Variants in TENM2 observed in about 807,000 individuals in gnomAD.
The protein encoded by TENM2 is teneurin-2.
Under a neutral mutation model 245.2 loss-of-function variants are expected in TENM2, and 52 were observed. The observed-to-expected ratio is 0.21, with a 90% CI of 0.17 to 0.27. The LOEUF is 0.27. TENM2 is among the 10% of genes least tolerant of loss of function. The pLI is 1.00. For missense variants in TENM2, 3,046 were observed against 3,666.8 expected, an observed-to-expected ratio of 0.83 and a Z score of 4.37; for synonymous variants, 1,363 against 1,438.9, an observed-to-expected ratio of 0.95 and a Z score of 1.19.
At chr5:167,072,367 G>A in the TENM2 span, among the ~76,000 whole-genome samples, 3 of 152,144 alleles carry the variant, frequency 2.0e-5, no homozygotes, top group African/African-American at 7.2e-5. Context: ...ACTTAATGAT[G>A]TCTGGGTGTA....
the TENM2 span, among the ~76,000 whole-genome samples, chr5:167,273,848 G>A: frequency 6.6e-6 from 1 of 151,986 alleles, no homozygotes; most frequent in South Asian, 2.1e-4. Context: ...CTTCCAAATA[G>A]GTATTTATTT....
intron 2 of TENM2, among the ~76,000 whole-genome samples, chr5:167,698,979 G>T (rs1582784542): frequency 1.3e-5 from 2 of 151,982 alleles, no homozygotes; most frequent in South Asian, 4.1e-4. Context: ...ACCCTGCCCG[G>T]CCCCATAAGT....
At chr5:168,099,781 C>T (rs1420360435) in intron 9 of TENM2, among the ~76,000 whole-genome samples, 1 of 152,152 alleles carries the variant, frequency 6.6e-6, no homozygotes, top group Non-Finnish European at 1.5e-5. Context: ...GTGAAGGGGG[C>T]TTTCTGTACT....
chr5:168,027,958 GA>G (rs1018987396), intron 5 of TENM2, among the ~76,000 whole-genome samples: 4 of 152,068 alleles, frequency 2.6e-5, no homozygotes, highest in Non-Finnish European at 5.9e-5. Flanking sequence ...AGAAAGAAGA[GA>G]AAAAAATGGC....
intron 7 of TENM2, among the ~76,000 whole-genome samples, chr5:168,082,818 C>T (rs1205411637): frequency 6.6e-6 from 1 of 152,134 alleles, no homozygotes; most frequent in Non-Finnish European, 1.5e-5. Flanking sequence ...CTGGAAGCTT[C>T]GTCTCAGATG....
chr5:167,213,935 G>C, the TENM2 span, among the ~76,000 whole-genome samples: 2 of 152,216 alleles, frequency 1.3e-5, no homozygotes, highest in African/African-American at 4.8e-5. Flanking sequence ...GATTTGCCAA[G>C]TTGGCCACTA....
At chr5:167,403,536 A>G (rs1475385920) in intron 2 of TENM2, among the ~76,000 whole-genome samples, 1 of 152,168 alleles carries the variant, frequency 6.6e-6, no homozygotes, top group Non-Finnish European at 1.5e-5. Flanking sequence ...TTCTACCTGA[A>G]CGTATGGGTC....
the TENM2 span, among the ~76,000 whole-genome samples, chr5:167,212,552 T>G: frequency 6.6e-6 from 1 of 152,308 alleles, no homozygotes; most frequent in South Asian, 2.1e-4. Context: ...TTAAGACTGA[T>G]AAGGTGCAAA....
intron 3 of TENM2, among the ~76,000 whole-genome samples, chr5:167,888,613 A>G (rs917730936): frequency 5.3e-5 from 8 of 152,374 alleles, no homozygotes; most frequent in Admixed American, 5.2e-4. Context: ...AGAAGCAAAC[A>G]GAGAAAACCA....
chr5:167,872,532 GA>G (rs1222189502), intron 2 of TENM2, among the ~76,000 whole-genome samples: 1 of 51,028 alleles, frequency 2.0e-5, no homozygotes, highest in South Asian at 7.5e-4. Flanking sequence ...AAGAAAGAAA[GA>G]AAGAAAGAAA....
the TENM2 span, among the ~76,000 whole-genome samples, chr5:166,993,282 G>C: frequency 6.6e-6 from 1 of 152,070 alleles, no homozygotes; most frequent in African/African-American, 2.4e-5. Context: ...GAAAAGGAAC[G>C]CAAGAGCTCC....
At chr5:167,993,128 C>T in exon 5 of TENM2, 1 of 1,614,038 alleles carries the variant, frequency 6.2e-7, no homozygotes, top group Non-Finnish European at 8.5e-7. Context: ...ATGTGCTGCC[C>T]TCTCCGCCAT....
At chr5:168,090,898 A>G in intron 8 of TENM2, 129 bp downstream of exon 10, 2 of 770,890 alleles carry the variant, frequency 2.6e-6, no homozygotes, top group Non-Finnish European at 2.1e-6. Flanking sequence ...TCCTTTGTTT[A>G]GGCCTTATAG....
intron 2 of TENM2, among the ~76,000 whole-genome samples, chr5:167,723,918 G>A (rs924198464): frequency 1.3e-5 from 2 of 152,224 alleles, no homozygotes; most frequent in African/African-American, 4.8e-5. Context: ...TAATGTAAAA[G>A]ATGGTGTCCC....
the TENM2 span, among the ~76,000 whole-genome samples, chr5:167,171,295 TG>T: frequency 1.3e-5 from 2 of 152,230 alleles, no homozygotes; most frequent in Non-Finnish European, 2.9e-5. Context: ...TGGCCCCTTC[TG>T]TCACTTCCTA....
chr5:167,276,358 G>C, the TENM2 span, among the ~76,000 whole-genome samples: 1 of 53,250 alleles, frequency 1.9e-5, no homozygotes. Flanking sequence ...CATTTTGTGT[G>C]TGTGTGTGTG....
chr5:167,268,986 C>T, the TENM2 span, among the ~76,000 whole-genome samples: 1 of 151,514 alleles, frequency 6.6e-6, no homozygotes, highest in East Asian at 1.9e-4. Flanking sequence ...GTTTCAGGAG[C>T]CAACTCCTAC....
the TENM2 span, among the ~76,000 whole-genome samples, chr5:166,979,209 G>GCAGCACCAC: frequency 6.8e-6 from 1 of 146,918 alleles, no homozygotes; most frequent in African/African-American, 2.5e-5. Flanking sequence ...AGCAGCAGCA[G>GCAGCACCAC]CAGCAGCAGC....
At chr5:167,006,520 A>G in the TENM2 span, among the ~76,000 whole-genome samples, 1 of 152,206 alleles carries the variant, frequency 6.6e-6, no homozygotes, top group Admixed American at 6.5e-5. Flanking sequence ...ACCATTGTTT[A>G]GGTGACATAT....
Sources: allele counts gnomAD v4.1 joint callset (sites outside exome capture counted in the v4.1 genomes callset), GRCh38; gene constraint gnomAD v4.1.1; transcripts MANE v1.5; gene names NCBI Gene and HGNC (gene_info 2026-07-23, HGNC 2026-07-21).